Variants in NGF observed in about 807,000 individuals in gnomAD.
NGF encodes the protein nerve growth factor.
Under a neutral mutation model 12.8 loss-of-function variants are expected in NGF, and 4 were observed. That is an observed-to-expected ratio of 0.31 (90% CI 0.15 to 0.72). The LOEUF (loss-of-function observed/expected upper bound fraction) is 0.72, where lower values mean the gene tolerates loss of function less well. Among genes scored for constraint, NGF ranks in the 30% least tolerant of loss-of-function variants. NGF has a pLI of 0.69. For synonymous variants in NGF, 140 were observed against 130.0 expected, an observed-to-expected ratio of 1.08 and a Z score of -0.52; for missense variants, 283 against 330.8, an observed-to-expected ratio of 0.86 and a Z score of 1.12.
chr1:115,311,079 C>A (rs1036660914), intron 1 of NGF, among the ~76,000 whole-genome samples: 1 of 152,276 alleles, frequency 6.6e-6, no homozygotes, highest in African/African-American at 2.4e-5. Flanking sequence ...TAACTTGTCC[C>A]AAGCCACATA....
chr1:115,326,313 C>A (rs1015691702), intron 1 of NGF, among the ~76,000 whole-genome samples: 3 of 152,074 alleles, frequency 2.0e-5, no homozygotes. Flanking sequence ...CTCAGGCATT[C>A]GTTTGTGTTC....
intron 1 of NGF, among the ~76,000 whole-genome samples, chr1:115,295,686 T>C (rs1017794231): frequency 6.6e-6 from 1 of 152,126 alleles, no homozygotes; most frequent in Non-Finnish European, 1.5e-5. Context: ...TTCTCCTCTA[T>C]AGGATAAGAA....
At chr1:115,335,226 A>G (rs1392084685) in intron 1 of NGF, among the ~76,000 whole-genome samples, 1 of 152,168 alleles carries the variant, frequency 6.6e-6, no homozygotes, top group African/African-American at 2.4e-5. Flanking sequence ...CAGCCTAATA[A>G]AAGACCGAGG....
intron 1 of NGF, among the ~76,000 whole-genome samples, chr1:115,319,593 G>C (rs566076747): frequency 1.3e-5 from 2 of 152,166 alleles, no homozygotes; most frequent in East Asian, 3.9e-4. Flanking sequence ...TGGTAGTGCG[G>C]GTACAAGGGT....
intron 1 of NGF, among the ~76,000 whole-genome samples, chr1:115,333,499 T>TA (rs34024301): frequency 0.1 from 8,021 of 76,428 alleles, 570 homozygotes; most frequent in East Asian, 0.26. Flanking sequence ...ATAGTACTAC[T>TA]AAAAAAAAAA....
chr1:115,322,217 A>G (rs1237508332), intron 1 of NGF, among the ~76,000 whole-genome samples: 2 of 152,208 alleles, frequency 1.3e-5, no homozygotes. Context: ...CCCATGGCAA[A>G]AGCTAAGTCT....
At chr1:115,309,792 C>T (rs1362025095) in intron 1 of NGF, among the ~76,000 whole-genome samples, 2 of 150,760 alleles carry the variant, frequency 1.3e-5, no homozygotes, top group Non-Finnish European at 3.0e-5. Context: ...CCATCATTCT[C>T]AGCAAACTAT....
intron 1 of NGF, among the ~76,000 whole-genome samples, chr1:115,310,507 A>C (rs1654309887): frequency 6.6e-6 from 1 of 152,162 alleles, no homozygotes; most frequent in Non-Finnish European, 1.5e-5. Context: ...AACCAGGTCT[A>C]TTGGATGGCT....
intron 1 of NGF, among the ~76,000 whole-genome samples, chr1:115,312,115 G>A (rs138375356): frequency 2.6e-5 from 4 of 152,304 alleles, no homozygotes; most frequent in African/African-American, 9.6e-5. Context: ...GTTTGCTGTT[G>A]CTTGTCTATT....
intron 1 of NGF, among the ~76,000 whole-genome samples, chr1:115,315,781 C>T (rs753859226): frequency 5.3e-5 from 8 of 152,102 alleles, no homozygotes; most frequent in East Asian, 1.9e-4. Flanking sequence ...GTACGAAGAA[C>T]GAGCTCGCTG....
intron 1 of NGF, among the ~76,000 whole-genome samples, chr1:115,301,198 G>C (rs1183424805): frequency 6.6e-6 from 1 of 152,168 alleles, no homozygotes; most frequent in Non-Finnish European, 1.5e-5. Context: ...GACCCACAGA[G>C]AGCATCTGTC....
chr1:115,294,662 G>A (rs955757090), intron 1 of NGF, among the ~76,000 whole-genome samples: 2 of 152,370 alleles, frequency 1.3e-5, no homozygotes, highest in African/African-American at 2.4e-5. Flanking sequence ...TAGACAGGAC[G>A]CTCAGCGAGG....
At chr1:115,291,676 T>C (rs1653703323) in intron 2 of NGF, among the ~76,000 whole-genome samples, 1 of 152,228 alleles carries the variant, frequency 6.6e-6, no homozygotes, top group Non-Finnish European at 1.5e-5. Context: ...ATTCTGTGGA[T>C]TTCCAATGGT....
At chr1:115,325,068 A>T (rs1395732477) in intron 1 of NGF, among the ~76,000 whole-genome samples, 2 of 152,164 alleles carry the variant, frequency 1.3e-5, no homozygotes. Context: ...TGGGGGTAGG[A>T]TAGATATTTA....
chr1:115,333,697 CTTTCTTTCTTTCTTTCTT>C (rs1450103040), intron 1 of NGF, among the ~76,000 whole-genome samples: 7 of 102,568 alleles, frequency 6.8e-5, no homozygotes, highest in African/African-American at 3.6e-4. Context: ...TTCTTTCTTT[CTTTCTTTCTTTCTTTCTT>C]TTCTTTCTTT....
intron 1 of NGF, among the ~76,000 whole-genome samples, chr1:115,337,404 C>G (rs574194434): frequency 1.3e-5 from 2 of 150,550 alleles, no homozygotes; most frequent in South Asian, 2.1e-4. Flanking sequence ...TCCCCTAGAT[C>G]CTCCTCGCCT....
chr1:115,336,778 C>T (rs1395430613), intron 1 of NGF, among the ~76,000 whole-genome samples: 2 of 152,202 alleles, frequency 1.3e-5, no homozygotes, highest in Admixed American at 6.5e-5. Context: ...ACTTAACTGA[C>T]GGCTTCAAGA....
At chr1:115,323,726 T>C (rs191354052) in intron 1 of NGF, among the ~76,000 whole-genome samples, 1 of 152,326 alleles carries the variant, frequency 6.6e-6, no homozygotes, top group African/African-American at 2.4e-5. Flanking sequence ...ATCTTAGGTG[T>C]GTTACTTTAA....
At chr1:115,309,446 C>T (rs966284078) in intron 1 of NGF, among the ~76,000 whole-genome samples, 14 of 152,052 alleles carry the variant, frequency 9.2e-5, no homozygotes, top group Non-Finnish European at 1.6e-4. Context: ...TATTATTATA[C>T]TTTAAGTTCT....
Sources: allele counts gnomAD v4.1 joint callset (sites outside exome capture counted in the v4.1 genomes callset), GRCh38; gene constraint gnomAD v4.1.1; transcripts MANE v1.5; gene names NCBI Gene and HGNC (gene_info 2026-07-23, HGNC 2026-07-21).